Variants in PDE1C observed in about 807,000 individuals in gnomAD.
PDE1C encodes dual specificity calcium/calmodulin-dependent 3',5'-cyclic nucleotide phosphodiesterase 1C.
Under a neutral mutation model 93.1 loss-of-function variants are expected in PDE1C, and 62 were observed. The observed-to-expected ratio is 0.67, with a 90% confidence interval of 0.54 to 0.82. PDE1C has a LOEUF of 0.82. Ranked by LOEUF, PDE1C falls within the 40% of genes least tolerant of loss-of-function variation. The probability of loss-of-function intolerance (pLI) is 0.00; values close to 1 mark genes in which losing one functional copy is unlikely to be tolerated. For missense variants in PDE1C, 742 were observed against 884.6 expected, an observed-to-expected ratio of 0.84 and a Z score of 2.04; for synonymous variants, 325 against 310.1, an observed-to-expected ratio of 1.05 and a Z score of -0.50.
intron 2 of PDE1C, among the ~76,000 whole-genome samples, chr7:32,191,708 G>C (rs1309322730): frequency 6.6e-6 from 1 of 152,148 alleles, no homozygotes; most frequent in Non-Finnish European, 1.5e-5. Flanking sequence ...GTTAATATAA[G>C]TCTTCATTTT....
At chr7:31,953,561 A>T (rs1267986466) in intron 2 of PDE1C, among the ~76,000 whole-genome samples, 3 of 152,190 alleles carry the variant, frequency 2.0e-5, no homozygotes, top group African/African-American at 4.8e-5. Flanking sequence ...TCCTCTATAA[A>T]ATCAGATTTT....
intron 3 of PDE1C, among the ~76,000 whole-genome samples, chr7:32,091,481 A>T (rs1797466143): frequency 6.6e-6 from 1 of 152,178 alleles, no homozygotes; most frequent in African/African-American, 2.4e-5. Flanking sequence ...CTCATCAAGA[A>T]GGTGAGATGG....
chr7:32,361,237 G>A (rs1784131390), intron 1 of PDE1C, among the ~76,000 whole-genome samples: 1 of 152,188 alleles, frequency 6.6e-6, no homozygotes, highest in South Asian at 2.1e-4. Context: ...CTGCCTCCAG[G>A]TCCTATCTGC....
intron 2 of PDE1C, among the ~76,000 whole-genome samples, chr7:32,034,064 G>A (rs980964939): frequency 2.0e-4 from 30 of 151,782 alleles, no homozygotes; most frequent in Admixed American, 1.7e-3. Context: ...CTGTGTGTGT[G>A]TGTGTGTGTG....
At chr7:32,098,216 C>T (rs966441483) in intron 3 of PDE1C, among the ~76,000 whole-genome samples, 10 of 58,022 alleles carry the variant, frequency 1.7e-4, no homozygotes, top group African/African-American at 5.8e-4. Context: ...GGCGACAGAG[C>T]GAGACTCCGT....
At chr7:31,880,496 C>G (rs1797106291) in intron 3 of PDE1C, among the ~76,000 whole-genome samples, 1 of 152,056 alleles carries the variant, frequency 6.6e-6, no homozygotes, top group South Asian at 2.1e-4. Flanking sequence ...CGTTTTTCTC[C>G]TCTTTCATGA....
At chr7:32,209,300 T>C (rs753626114) in intron 2 of PDE1C, among the ~76,000 whole-genome samples, 2 of 152,156 alleles carry the variant, frequency 1.3e-5, no homozygotes, top group African/African-American at 2.4e-5. Flanking sequence ...GTTCTAAGGA[T>C]TGAAAAGGCA....
At chr7:32,136,252 G>GTA (rs1800201501) in intron 3 of PDE1C, among the ~76,000 whole-genome samples, 2 of 152,238 alleles carry the variant, frequency 1.3e-5, no homozygotes, top group Admixed American at 1.3e-4. Flanking sequence ...ATTGCACAGT[G>GTA]TATACATATA....
At chr7:31,717,215 TACTA>T in the PDE1C span, among the ~76,000 whole-genome samples, 1 of 152,268 alleles carries the variant, frequency 6.6e-6, no homozygotes, top group Non-Finnish European at 1.5e-5. Context: ...AGTTACAATG[TACTA>T]AACATAATTT....
intron 3 of PDE1C, among the ~76,000 whole-genome samples, chr7:32,161,602 TCCTTTG>T (rs1801927405): frequency 7.2e-4 from 7 of 9,698 alleles, no homozygotes; most frequent in Non-Finnish European, 1.7e-3. Context: ...GGAAGGAACT[TCCTTTG>T]TTTAGAGTTT....
At chr7:32,234,491 G>C (rs35594464) in intron 1 of PDE1C, among the ~76,000 whole-genome samples, 15,962 of 151,964 alleles carry the variant, frequency 0.11, 898 homozygotes, top group East Asian at 0.13. Flanking sequence ...ACTATGAACT[G>C]TATGCACATA....
intron 16 of PDE1C, chr7:31,790,159 G>A (rs1156432843): frequency 3.1e-6 from 5 of 1,599,980 alleles, no homozygotes; most frequent in Non-Finnish European, 4.3e-6. Context: ...GGGTCTTTGT[G>A]GAAGAAGGAG....
rs149943671 is a variant in PDE1C, at chr7:32,046,780, C to A, written c.128+4774G>T. Among the ~76,000 whole-genome samples, 6 of 152,228 alleles carry A rather than the reference C, an allele frequency of 3.9e-5. No homozygotes were observed. In the East Asian group the frequency reaches 7.7e-4, roughly 20 times the overall value. On this transcript the variant is annotated intron_variant, in intron 2 of 17. Transcript: ENST00000396191. The stretch of plus-strand genomic sequence containing the variant: ...AAATCAGACACAGTAAGAGCTAGAA[C>A]TTCTACCTAAACTATCTAAACAGTG...
At chr7:32,098,147 G>A (rs563554451) in intron 3 of PDE1C, among the ~76,000 whole-genome samples, 3 of 143,120 alleles carry the variant, frequency 2.1e-5, no homozygotes, top group African/African-American at 5.4e-5. Context: ...GGAGAATGGC[G>A]TGAACCCGGG....
chr7:32,401,962 C>T (rs931170012), intron 1 of PDE1C, among the ~76,000 whole-genome samples: 1 of 152,134 alleles, frequency 6.6e-6, no homozygotes, highest in Non-Finnish European at 1.5e-5. Flanking sequence ...ATAATATTAT[C>T]TTCCATTTAT....
At chr7:32,341,173 C>CTTTTTT (rs3079623) in intron 1 of PDE1C, among the ~76,000 whole-genome samples, 11,577 of 84,718 alleles carry the variant, frequency 0.14, 2,373 homozygotes, top group East Asian at 0.34. Flanking sequence ...GAAATAAAGT[C>CTTTTTT]TTTTTTTTTT....
chr7:32,216,553 A>T (rs1206746810), intron 1 of PDE1C, among the ~76,000 whole-genome samples: 1 of 152,190 alleles, frequency 6.6e-6, no homozygotes, highest in Non-Finnish European at 1.5e-5. Context: ...TTGGAAGGAG[A>T]CACAAAAAGG....
chr7:32,017,487 A>G (rs1406701505), intron 2 of PDE1C, among the ~76,000 whole-genome samples: 1 of 152,152 alleles, frequency 6.6e-6, no homozygotes, highest in African/African-American at 2.4e-5. Context: ...CAAAAGAAAA[A>G]CTTGATAAAC....
intron 2 of PDE1C, among the ~76,000 whole-genome samples, chr7:31,985,396 T>C (rs1015806302): frequency 3.9e-5 from 6 of 152,186 alleles, no homozygotes; most frequent in East Asian, 1.9e-4. Flanking sequence ...AAAAAGAGAA[T>C]TGAACTTTAA....
Sources: allele counts gnomAD v4.1 joint callset (sites outside exome capture counted in the v4.1 genomes callset), GRCh38; gene constraint gnomAD v4.1.1; transcripts MANE v1.5; gene names NCBI Gene and HGNC (gene_info 2026-07-23, HGNC 2026-07-21).